TET3: variants seen among roughly 807,000 people sequenced by gnomAD.
TET3 encodes the protein tet methylcytosine dioxygenase 3, also known as methylcytosine dioxygenase TET3.
Under a neutral mutation model 141.4 loss-of-function variants are expected in TET3, and 19 were observed. That is an observed-to-expected ratio of 0.13 (90% CI 0.09 to 0.20). The LOEUF (loss-of-function observed/expected upper bound fraction) is 0.20. TET3 is among the 10% of genes least tolerant of loss of function. The pLI, the probability that TET3 is intolerant of heterozygous loss-of-function variation, is 1.00. For missense variants in TET3, 1,874 were observed against 2,356.9 expected (o/e 0.80, Z 4.24); for synonymous variants, 1,043 against 980.9 (o/e 1.06, Z -1.18).
intron 3 of TET3, among the ~76,000 whole-genome samples, chr2:74,033,501 TA>T (rs1342564788): frequency 1.3e-5 from 2 of 152,240 alleles, no homozygotes; most frequent in Non-Finnish European, 2.9e-5. Context: ...TCTTATTCCA[TA>T]TCATTTTAAG....
intron 3 of TET3, among the ~76,000 whole-genome samples, chr2:74,023,318 C>G (rs1227635095): frequency 1.3e-5 from 2 of 152,174 alleles, no homozygotes; most frequent in African/African-American, 4.8e-5. Context: ...TCATGGCTCA[C>G]TGCAGCCTCC....
At chr2:74,024,302 G>C (rs1485227459) in intron 3 of TET3, among the ~76,000 whole-genome samples, 1 of 152,230 alleles carries the variant, frequency 6.6e-6, no homozygotes. Context: ...ACTTGTGCAG[G>C]TGTGTTGCTG....
intron 2 of TET3, among the ~76,000 whole-genome samples, chr2:74,000,087 GGCT>G (rs1684773495): frequency 6.6e-6 from 1 of 152,270 alleles, no homozygotes; most frequent in African/African-American, 2.4e-5. Context: ...GGCTCCTTCA[GGCT>G]GCTGAGGAAG....
chr2:74,045,648 G>A (rs1204111993), intron 3 of TET3, among the ~76,000 whole-genome samples: 1 of 152,190 alleles, frequency 6.6e-6, no homozygotes, highest in East Asian at 1.9e-4. Context: ...CAGATCATCG[G>A]CGTTTCCCTC....
the TET3 span, among the ~76,000 whole-genome samples, chr2:74,115,764 A>G: frequency 1.6e-4 from 24 of 152,110 alleles, no homozygotes; most frequent in Admixed American, 2.6e-4. Context: ...CTATAATCTC[A>G]GCATTTTGGG....
the TET3 span, among the ~76,000 whole-genome samples, chr2:74,125,870 T>C: frequency 6.6e-6 from 1 of 152,058 alleles, no homozygotes; most frequent in Admixed American, 6.6e-5. Flanking sequence ...AATTGAACTA[T>C]GCTAGTTTGT....
chr2:74,008,712 G>C (rs6751551), intron 3 of TET3, among the ~76,000 whole-genome samples: 1 of 151,702 alleles, frequency 6.6e-6, no homozygotes, highest in South Asian at 2.1e-4. Context: ...AAGTAAAAAT[G>C]ACTAACTTTC....
chr2:74,114,508 A>G, the TET3 span, among the ~76,000 whole-genome samples: 2 of 152,262 alleles, frequency 1.3e-5, no homozygotes, highest in African/African-American at 4.8e-5. Flanking sequence ...TTAAAATCAT[A>G]AATTTTATGT....
chr2:74,076,464 T>G (rs996558956), intron 5 of TET3, among the ~76,000 whole-genome samples: 7 of 146,984 alleles, frequency 4.8e-5, no homozygotes, highest in Non-Finnish European at 1.0e-4. Context: ...TTTTTTTTTT[T>G]TTTTTTGTCT....
rs1161166126 is a variant in TET3 at position 74,092,916 on chromosome 2, G to C, written c.3054G>C (p.Arg1018=). ...GDNPKEEEVL[R]KSFQDLATEV... is the part of the protein sequence containing the mutation. The stretch of plus-strand genomic sequence containing the variant: ...TCTCTCTGCAGGAAGAAGTGCTCCG[G>C]AAGAGTTTCCAGGACCTGGCCACCG... Residue 1018 remains arginine (R), a synonymous_variant, in exon 9 of 12, where the codon CGG becomes CGC. Coordinates refer to ENST00000409262, the MANE Select transcript of TET3 (RefSeq NM_001287491.2). The C allele has an allele frequency of 4.4e-6, 7 of 1,589,814 alleles. No homozygotes were observed. In the Admixed American group the frequency reaches 8.8e-5, roughly 20 times the overall value.
intron 3 of TET3, among the ~76,000 whole-genome samples, chr2:74,025,700 C>T (rs975872350): frequency 6.6e-6 from 1 of 152,190 alleles, no homozygotes; most frequent in Non-Finnish European, 1.5e-5. Flanking sequence ...TACAACCTCT[C>T]TTGTAAGAGA....
upstream of TET3, among the ~76,000 whole-genome samples, chr2:73,983,650 C>CTT (rs964272923): frequency 1.3e-5 from 2 of 152,186 alleles, no homozygotes; most frequent in Non-Finnish European, 2.9e-5. Context: ...AGATCAGTTA[C>CTT]TTTTTTTTCT....
At chr2:74,122,162 A>T in the TET3 span, 1 of 152,192 alleles carries the variant, frequency 6.6e-6, no homozygotes, top group South Asian at 2.1e-4. Context: ...GTACAAAAGA[A>T]ATCTTCAAAT....
intron 4 of TET3, among the ~76,000 whole-genome samples, chr2:74,062,881 CTT>C (rs10649388): frequency 7.7e-4 from 93 of 121,404 alleles, no homozygotes; most frequent in African/African-American, 1.9e-3. Context: ...TCAGGTGAAA[CTT>C]TTTTTTTTTT....
chr2:74,039,323 TG>T (rs1687225286), intron 3 of TET3, among the ~76,000 whole-genome samples: 1 of 152,202 alleles, frequency 6.6e-6, no homozygotes, highest in African/African-American at 2.4e-5. Context: ...CCAGCCTCTC[TG>T]AGATTTCTTT....
chr2:74,116,356 G>A, the TET3 span, among the ~76,000 whole-genome samples: 1 of 152,078 alleles, frequency 6.6e-6, no homozygotes, highest in Admixed American at 6.6e-5. Flanking sequence ...CCACTACTGG[G>A]CATTTATCCC....
the TET3 span, among the ~76,000 whole-genome samples, chr2:74,130,043 G>A: frequency 0.017 from 2,495 of 150,928 alleles, 82 homozygotes; most frequent in African/African-American, 0.058. Context: ...TGCAGTGAGC[G>A]GAGATTGTGC....
intron 2 of TET3, chr2:74,002,680 G>T: frequency 2.4e-6 from 1 of 415,882 alleles, no homozygotes; most frequent in Non-Finnish European, 4.2e-6. Context: ...GCCCCGCGGC[G>T]GGGAGGGGAG....
chr2:74,020,598 C>G (rs1214682967), intron 3 of TET3, among the ~76,000 whole-genome samples: 1 of 152,224 alleles, frequency 6.6e-6, no homozygotes, highest in Admixed American at 6.5e-5. Flanking sequence ...TCCAGACTCT[C>G]AGGTCCCTGC....
Sources: gnomAD v4.1 joint callset for allele counts (sites outside exome capture counted in the v4.1 genomes callset) on GRCh38, gnomAD v4.1.1 for gene constraint, MANE v1.5 for transcripts, NCBI Gene and HGNC (gene_info 2026-07-23, HGNC 2026-07-21) for gene names.